Variants in SH3PXD2B observed in about 807,000 individuals in gnomAD.
SH3PXD2B encodes the protein SH3 and PX domain-containing protein 2B.
In SH3PXD2B, 37 loss-of-function variants were observed where a neutral mutation model predicts 73.1. The observed-to-expected ratio is 0.51, with a 90% CI of 0.39 to 0.67. The LOEUF is 0.67. Ranked by LOEUF, SH3PXD2B falls within the 30% of genes least tolerant of loss-of-function variation. The pLI is 0.00. For synonymous variants in SH3PXD2B, 457 were observed against 480.5 expected, an observed-to-expected ratio of 0.95 and a Z score of 0.64; for missense variants, 1,053 against 1,197.8, an observed-to-expected ratio of 0.88 and a Z score of 1.78.
intron 6 of SH3PXD2B, among the ~76,000 whole-genome samples, chr5:172,368,567 AAATATGT>A (rs1757605257): frequency 4.8e-4 from 6 of 12,588 alleles, no homozygotes; most frequent in Admixed American, 1.8e-3. Flanking sequence ...TATATATATA[AAATATGT>A]TATATATATA....
At chr5:172,385,918 C>T (rs1295041412) in intron 4 of SH3PXD2B, among the ~76,000 whole-genome samples, 9 of 152,228 alleles carry the variant, frequency 5.9e-5, no homozygotes, top group Non-Finnish European at 1.2e-4. Context: ...AACCATTCTG[C>T]TTCTGAAAGA....
chr5:172,439,696 A>ACACACGCGCGCG (rs1759506435), intron 1 of SH3PXD2B, among the ~76,000 whole-genome samples: 4 of 91,936 alleles, frequency 4.4e-5, no homozygotes, highest in African/African-American at 1.4e-4. Context: ...GCGCGCGCAC[A>ACACACGCGCGCG]CACACACACA....
rs1195014523 is a variant in SH3PXD2B, at chr5:172,333,937, T to A, written c.*4432A>T. ...CATGGGCACACACTGGGGTAAAATG[T>A]GGACACCATCGTTGCATTAGAATTG... On this transcript the variant is annotated 3_prime_UTR_variant, in exon 13 of 13. Transcript: ENST00000311601. 1.6e-6 allele frequency: 2 copies of A among 1,245,426 alleles called. No individual in the cohort carries two copies. Among genetic ancestry groups the A allele is most frequent in the Non-Finnish European group, 2.1e-6 (2 of 974,256 alleles). The allele number at this position is 1,245,426 out of a possible 1,614,324, so 77.1% of individuals were successfully genotyped here.
intron 8 of SH3PXD2B, among the ~76,000 whole-genome samples, chr5:172,355,707 G>A (rs192582872): frequency 2.0e-4 from 30 of 152,168 alleles, no homozygotes; most frequent in Admixed American, 1.8e-3. Flanking sequence ...ACCACGCCCG[G>A]CTAATTTTTT....
At chr5:172,409,518 T>C (rs1269267636) in intron 2 of SH3PXD2B, among the ~76,000 whole-genome samples, 1 of 152,202 alleles carries the variant, frequency 6.6e-6, no homozygotes, top group East Asian at 1.9e-4. Flanking sequence ...AGTTATCCTC[T>C]GTGCTACTTT....
chr5:172,335,352 C>T lies in SH3PXD2B; in HGVS notation c.*3017G>A. On this transcript the variant is annotated 3_prime_UTR_variant, in exon 13 of 13. Transcript: ENST00000311601. ...GCACCGAAATTCAGAGGGAGGGTCA[C>T]TTGATTCCCTGGAAGCCCTCCGCAC... 8.3e-7 allele frequency: 1 copy of T among 1,210,760 alleles called. No homozygotes were observed. The highest frequency in any genetic ancestry group is 4.3e-5 in the South Asian group (1 of 23,254). 75.0% of individuals were successfully genotyped at this position (1,210,760 alleles called of 1,614,324 possible).
In SH3PXD2B at chr5:172,406,263, C is replaced by T; in HGVS notation, c.232+14G>A. On this transcript the variant is annotated intron_variant, in intron 3 of 12. Coordinates refer to ENST00000311601, the MANE Select transcript of SH3PXD2B (RefSeq NM_001017995.3). ...CCCCCAGTGTCCCAGTCTGAGAGCA[C>T]CCATCTCACCTACCTGGCAGAAAGG... The T allele has an allele frequency of 6.2e-7, 1 of 1,613,700 alleles. No individual in the cohort carries two copies. Among genetic ancestry groups the T allele is most frequent in the Middle Eastern group, 1.7e-4 (1 of 6,058 alleles).
rs1240591962 is a variant in SH3PXD2B, at chr5:172,394,563, C to T, written c.309G>A (p.Lys103=). The change falls in exon 4 of 13, where the codon AAG becomes AAA. Residue 103 remains lysine, a splice_region_variant and synonymous_variant. Transcript: ENST00000311601. ...KRLIPIDEYC[K]ALIQLPPYIS... ...CTGCGTGGGCATTTCTCAGCCTTAC[C>T]TTACAGTATTCATCAATTGGTATCA... 1 of 1,614,036 alleles carries T rather than the reference C, an allele frequency of 6.2e-7. No homozygotes were observed.
chr5:172,423,445 G>A (rs1759018421), intron 1 of SH3PXD2B, among the ~76,000 whole-genome samples: 1 of 151,932 alleles, frequency 6.6e-6, no homozygotes, highest in Non-Finnish European at 1.5e-5. Flanking sequence ...TCCTCCATGA[G>A]GTGACGGTTA....
chr5:172,398,039 C>A (rs1352430650), intron 3 of SH3PXD2B, among the ~76,000 whole-genome samples: 1 of 152,206 alleles, frequency 6.6e-6, no homozygotes, highest in Non-Finnish European at 1.5e-5. Flanking sequence ...AAACTGGAGG[C>A]TTTAACTCAC....
chr5:172,425,614 A>C (rs1387651508), intron 1 of SH3PXD2B, among the ~76,000 whole-genome samples: 1 of 151,898 alleles, frequency 6.6e-6, no homozygotes, highest in East Asian at 1.9e-4. Flanking sequence ...CTGCGGGAGG[A>C]AGGGGCTGAG....
intron 6 of SH3PXD2B, among the ~76,000 whole-genome samples, chr5:172,367,008 C>T (rs1489408710): frequency 1.4e-5 from 2 of 145,650 alleles, no homozygotes; most frequent in Non-Finnish European, 3.0e-5. Flanking sequence ...ACGATCTCAG[C>T]TCACTGCAAC....
At chr5:172,396,198 CAAAAAAAAAAAAAAA>C (rs571850981) in intron 3 of SH3PXD2B, among the ~76,000 whole-genome samples, 2 of 78,408 alleles carry the variant, frequency 2.6e-5, no homozygotes, top group South Asian at 9.4e-4. Flanking sequence ...ACTAAAAATA[CAAAAAAAAAAAAAAA>C]AAAAAAAAAA....
chr5:172,375,741 T>C (rs923642396), intron 5 of SH3PXD2B, among the ~76,000 whole-genome samples: 1 of 152,270 alleles, frequency 6.6e-6, no homozygotes, highest in African/African-American at 2.4e-5. Flanking sequence ...CACAATTTGT[T>C]TACTCCTCAC....
intron 12 of SH3PXD2B, among the ~76,000 whole-genome samples, chr5:172,345,361 T>C (rs180859693): frequency 1.3e-5 from 2 of 152,108 alleles, no homozygotes; most frequent in Non-Finnish European, 2.9e-5. Flanking sequence ...CACACAACCA[T>C]AGTAGGAGAT....
At chr5:172,382,760 G>A (rs527340918) in intron 4 of SH3PXD2B, among the ~76,000 whole-genome samples, 1 of 152,214 alleles carries the variant, frequency 6.6e-6, no homozygotes, top group East Asian at 1.9e-4. Context: ...ACAGGATCTT[G>A]CTCTGTCACT....
intron 1 of SH3PXD2B, among the ~76,000 whole-genome samples, chr5:172,450,333 G>A (rs1759767756): frequency 6.6e-6 from 1 of 152,004 alleles, no homozygotes; most frequent in Non-Finnish European, 1.5e-5. Flanking sequence ...CATCGGGGAG[G>A]GCGTCCGGGG....
chr5:172,411,861 G>A (rs4868168), intron 2 of SH3PXD2B, among the ~76,000 whole-genome samples: 64,959 of 151,632 alleles, frequency 0.43, 15,278 homozygotes, highest in East Asian at 0.67. Flanking sequence ...ACCACACTTG[G>A]GTGTACAGTT....
chr5:172,378,346 C>T (rs994290543), intron 5 of SH3PXD2B, among the ~76,000 whole-genome samples: 3 of 152,206 alleles, frequency 2.0e-5, no homozygotes, highest in East Asian at 3.9e-4. Flanking sequence ...GGCTTCTTCA[C>T]CTCAGGTCCA....
Sources: gnomAD v4.1 joint callset for allele counts (sites outside exome capture counted in the v4.1 genomes callset) on GRCh38, gnomAD v4.1.1 for gene constraint, MANE v1.5 for transcripts, NCBI Gene and HGNC (gene_info 2026-07-23, HGNC 2026-07-21) for gene names.